Variants in KATNAL1 observed in about 807,000 individuals in gnomAD.
The protein encoded by KATNAL1 is katanin catalytic subunit A1 like 1, also known as katanin p60 ATPase-containing subunit A-like 1.
Under a neutral mutation model 55.2 loss-of-function variants are expected in KATNAL1, and 32 were observed. That is an observed-to-expected ratio of 0.58 (90% confidence interval 0.44 to 0.78). The LOEUF (loss-of-function observed/expected upper bound fraction) is 0.78. Among genes scored for constraint, KATNAL1 ranks in the 30% least tolerant of loss-of-function variants. KATNAL1 has a pLI of 0.00. For synonymous variants in KATNAL1, 193 were observed against 193.6 expected (o/e 1.00, Z 0.02); for missense variants, 466 against 600.9 (o/e 0.78, Z 2.35).
intron 4 of KATNAL1, among the ~76,000 whole-genome samples, chr13:30,254,028 G>A (rs527700525): frequency 1.6e-4 from 25 of 152,178 alleles, no homozygotes; most frequent in African/African-American, 5.5e-4. Context: ...CACTTTGAAC[G>A]GTGCCCAGCA....
chr13:30,231,873 C>T (rs1364094119), intron 6 of KATNAL1, among the ~76,000 whole-genome samples: 1 of 152,148 alleles, frequency 6.6e-6, no homozygotes, highest in East Asian at 1.9e-4. Context: ...ACATTCTTTA[C>T]CCTCTATAAG....
chr13:30,227,151 TC>T, intron 9 of KATNAL1, among the ~76,000 whole-genome samples: 1 of 152,144 alleles, frequency 6.6e-6, no homozygotes, highest in East Asian at 1.9e-4. Flanking sequence ...CTGAAAAAGA[TC>T]CAAAAAAACT....
At chr13:30,213,091 A>C (rs1873849290) in intron 9 of KATNAL1, among the ~76,000 whole-genome samples, 1 of 152,220 alleles carries the variant, frequency 6.6e-6, no homozygotes, top group Non-Finnish European at 1.5e-5. Context: ...TTGTACTTCT[A>C]GCTTCCGGTA....
At chr13:30,247,733 A>G (rs1189061043) in intron 4 of KATNAL1, among the ~76,000 whole-genome samples, 1 of 152,190 alleles carries the variant, frequency 6.6e-6, no homozygotes, top group Non-Finnish European at 1.5e-5. Context: ...AGACCATTAT[A>G]AGGACTTGGC....
intron 4 of KATNAL1, among the ~76,000 whole-genome samples, chr13:30,254,906 G>A (rs558925367): frequency 2.6e-5 from 4 of 151,970 alleles, no homozygotes; most frequent in Non-Finnish European, 5.9e-5. Flanking sequence ...AATTTCCACC[G>A]AATACTATGT....
intron 1 of KATNAL1, among the ~76,000 whole-genome samples, chr13:30,298,912 T>C (rs76465533): frequency 0.02 from 3,056 of 152,212 alleles, 37 homozygotes; most frequent in Non-Finnish European, 0.032. Context: ...AATTCAAAAA[T>C]ACAGTGGCTG....
chr13:30,224,083 A>T (rs1875193110), intron 9 of KATNAL1, among the ~76,000 whole-genome samples: 2 of 152,312 alleles, frequency 1.3e-5, no homozygotes, highest in South Asian at 4.1e-4. Context: ...TCCCAAACCA[A>T]TTTAAATGCT....
intron 2 of KATNAL1, among the ~76,000 whole-genome samples, chr13:30,280,724 T>G (rs1445309896): frequency 6.6e-6 from 1 of 151,894 alleles, no homozygotes; most frequent in Non-Finnish European, 1.5e-5. Flanking sequence ...CCAGTTTTTA[T>G]TTAAATTCTC....
intron 1 of KATNAL1, among the ~76,000 whole-genome samples, chr13:30,303,442 G>A (rs1882986447): frequency 1.3e-5 from 2 of 152,186 alleles, no homozygotes; most frequent in Non-Finnish European, 2.9e-5. Context: ...CCACATGCCT[G>A]AAATCCCAGC....
chr13:30,275,005 G>C (rs927522162), intron 3 of KATNAL1, among the ~76,000 whole-genome samples: 1 of 151,668 alleles, frequency 6.6e-6, no homozygotes, highest in African/African-American at 2.4e-5. Flanking sequence ...CCTTGTGGCA[G>C]GTGAAACAGG....
Position 30,240,976 on chromosome 13 carries a change from C to T in KATNAL1, c.603G>A (p.Arg201=), listed in dbSNP as rs763866625. Residue 201 remains arginine, a synonymous_variant, in exon 5 of 11, where the codon AGG becomes AGA. Transcript: ENST00000380615. ...VEALERDIVS[R]NPSIHWDDIA... ...ACTCTAACCAATGAATGCTAGGATT[C>T]CTGGATACAATGTCTCTTTCAAGGG... 5.0e-6 allele frequency: 8 copies of T among 1,612,670 alleles called. No homozygotes were observed. Among genetic ancestry groups the T allele is most frequent in the South Asian group, 1.1e-5 (1 of 90,960 alleles).
At chr13:30,214,498 C>T (rs2137350170) in intron 9 of KATNAL1, among the ~76,000 whole-genome samples, 1 of 152,300 alleles carries the variant, frequency 6.6e-6, no homozygotes, top group Non-Finnish European at 1.5e-5. Context: ...AAGCTGGAGG[C>T]ATCAAGCTAC....
At chr13:30,253,746 A>C (rs1030531532) in intron 4 of KATNAL1, among the ~76,000 whole-genome samples, 1 of 152,232 alleles carries the variant, frequency 6.6e-6, no homozygotes, top group African/African-American at 2.4e-5. Context: ...GTCACATTTA[A>C]AAACCAACAT....
At position 30,204,413 on chromosome 13, in the gene KATNAL1, T is replaced by G. The variant is rs1477593824; in HGVS notation, c.*4127A>C. On this transcript the variant is annotated 3_prime_UTR_variant, in exon 11 of 11. Coordinates refer to ENST00000380615, the MANE Select transcript of KATNAL1 (RefSeq NM_032116.5). ...ACAACATGAAATACTTGCCTAGTCC[T>G]TCATTTTATCTCAAGTTAGGGTGGG... The G allele has an allele frequency of 6.8e-6, 1 of 147,674 alleles. No homozygotes were observed. Among genetic ancestry groups the G allele is most frequent in the Non-Finnish European group, 1.5e-5 (1 of 65,946 alleles). 9.1% of individuals were successfully genotyped at this position (147,674 alleles called of 1,614,324 possible). A position where few individuals can be genotyped will look rare whatever the true frequency, so the allele number is the denominator to read the frequency against.
chr13:30,228,751 T>TTTG (rs369357037), intron 8 of KATNAL1, among the ~76,000 whole-genome samples: 18 of 152,020 alleles, frequency 1.2e-4, no homozygotes, highest in African/African-American at 2.9e-4. Context: ...TTGTTGGTGT[T>TTTG]TTGTTGTTGT....
chr13:30,213,109 A>G (rs1438785554), intron 9 of KATNAL1, among the ~76,000 whole-genome samples: 3 of 152,192 alleles, frequency 2.0e-5, no homozygotes, highest in Non-Finnish European at 4.4e-5. Context: ...GTACTATGAG[A>G]AAATACAAAC....
intron 4 of KATNAL1, among the ~76,000 whole-genome samples, chr13:30,249,687 A>G (rs576899403): frequency 2.0e-5 from 3 of 152,376 alleles, no homozygotes; most frequent in Non-Finnish European, 4.4e-5. Context: ...TTATGGCATT[A>G]GAAATCAGAA....
rs894259072 is a variant in KATNAL1 at position 30,231,243 on chromosome 13, A to T, written c.885+71T>A. On this transcript the variant is annotated intron_variant, in intron 7 of 10. Transcript: ENST00000380615. ...CCTTTTCAAAAAAGATTCCAGGTGG[A>T]CAGAACTGATTTATGGGGGCATCAT... is the stretch of plus-strand genomic sequence containing the variant. The T allele has an allele frequency of 2.4e-6, 3 of 1,232,822 alleles. No individual in the cohort carries two copies. In the African/African-American group the frequency reaches 4.6e-5, roughly 19 times the overall value. The allele number at this position is 1,232,822 out of a possible 1,614,324, so 76.4% of individuals were successfully genotyped here.
intron 1 of KATNAL1, among the ~76,000 whole-genome samples, chr13:30,287,221 C>T (rs1881847667): frequency 6.6e-6 from 1 of 152,146 alleles, no homozygotes; most frequent in African/African-American, 2.4e-5. Context: ...TATGGTTTGG[C>T]TCTGTGTTCC....
Sources: allele counts gnomAD v4.1 joint callset (sites outside exome capture counted in the v4.1 genomes callset), GRCh38; gene constraint gnomAD v4.1.1; transcripts MANE v1.5; gene names NCBI Gene and HGNC (gene_info 2026-07-23, HGNC 2026-07-21).